CRACD: variants seen among roughly 807,000 people sequenced by gnomAD.
CRACD encodes capping protein inhibiting regulator of actin dynamics.
Under a neutral mutation model 106.8 loss-of-function variants are expected in CRACD, and 56 were observed. The observed-to-expected ratio is 0.52, with a 90% confidence interval of 0.42 to 0.66. The LOEUF (loss-of-function observed/expected upper bound fraction) is 0.66. Among genes scored for constraint, CRACD ranks in the 30% least tolerant of loss-of-function variants. The pLI is 0.00. For synonymous variants in CRACD, 754 were observed against 670.8 expected (o/e 1.12, Z -1.92); for missense variants, 1,730 against 1,623.2 (o/e 1.07, Z -1.13).
intron 8 of CRACD, chr4:56,320,726 G>A (rs1047274222): frequency 1.1e-4 from 17 of 152,494 alleles, no homozygotes; most frequent in African/African-American, 4.1e-4. Flanking sequence ...CCATCATAGT[G>A]TGAGTGATGG....
At chr4:56,162,378 T>C (rs1156675350) in intron 1 of CRACD, among the ~76,000 whole-genome samples, 2 of 151,964 alleles carry the variant, frequency 1.3e-5, no homozygotes, top group South Asian at 4.2e-4. Flanking sequence ...GTGGTTTTTT[T>C]GTTTTTGTTT....
At chr4:56,152,885 C>A (rs1379176236) in intron 1 of CRACD, among the ~76,000 whole-genome samples, 1 of 152,244 alleles carries the variant, frequency 6.6e-6, no homozygotes, top group Non-Finnish European at 1.5e-5. Flanking sequence ...TTATTGCTTG[C>A]TCAGATCTCT....
At chr4:56,166,928 C>A (rs939604821) in intron 1 of CRACD, among the ~76,000 whole-genome samples, 3 of 152,132 alleles carry the variant, frequency 2.0e-5, no homozygotes, top group Non-Finnish European at 4.4e-5. Flanking sequence ...CTCAGAAATT[C>A]TGACTTAATA....
intron 1 of CRACD, among the ~76,000 whole-genome samples, chr4:56,134,946 T>TCC (rs1229377036): frequency 4.0e-5 from 6 of 151,308 alleles, no homozygotes; most frequent in East Asian, 2.0e-4. Context: ...TTTTTTTTTT[T>TCC]CCCCTAAATA....
At chr4:56,187,941 A>G (rs557095331) in intron 2 of CRACD, among the ~76,000 whole-genome samples, 1 of 152,366 alleles carries the variant, frequency 6.6e-6, no homozygotes, top group African/African-American at 2.4e-5. Flanking sequence ...GTTTACATAC[A>G]TGCACACAGA....
At chr4:56,188,059 G>A (rs1381399548) in intron 2 of CRACD, among the ~76,000 whole-genome samples, 1 of 152,050 alleles carries the variant, frequency 6.6e-6, no homozygotes. Context: ...ACCAGGAAAA[G>A]GAAAAAGCAT....
chr4:56,072,465 AAC>A (rs1732692072), intron 1 of CRACD, among the ~76,000 whole-genome samples: 2 of 152,162 alleles, frequency 1.3e-5, no homozygotes, highest in South Asian at 4.1e-4. Flanking sequence ...TCCTTTCAAA[AAC>A]ACAGCCTTAT....
At chr4:56,254,019 ATCTGT>A (rs1182789090) in intron 2 of CRACD, among the ~76,000 whole-genome samples, 3 of 152,242 alleles carry the variant, frequency 2.0e-5, no homozygotes, top group Non-Finnish European at 2.9e-5. Flanking sequence ...TTGGAAGGTC[ATCTGT>A]TCCACCAGTA....
intron 1 of CRACD, among the ~76,000 whole-genome samples, chr4:56,049,681 C>A (rs1379074596): frequency 6.6e-6 from 1 of 152,184 alleles, no homozygotes; most frequent in Admixed American, 6.5e-5. Context: ...AACCAGACCT[C>A]ACCGTCCGGG....
At chr4:56,287,484 T>C (rs910911700) in intron 3 of CRACD, among the ~76,000 whole-genome samples, 4 of 152,136 alleles carry the variant, frequency 2.6e-5, no homozygotes, top group African/African-American at 7.2e-5. Flanking sequence ...TTTCACCACG[T>C]TGGCCAGGCT....
intron 2 of CRACD, among the ~76,000 whole-genome samples, chr4:56,235,361 G>A (rs1368558208): frequency 2.6e-5 from 4 of 152,138 alleles, no homozygotes; most frequent in African/African-American, 4.8e-5. Flanking sequence ...AGATGTCTAC[G>A]GGAAGATAAT....
intron 2 of CRACD, among the ~76,000 whole-genome samples, chr4:56,199,586 A>G (rs113868187): frequency 0.019 from 2,926 of 151,678 alleles, 101 homozygotes; most frequent in African/African-American, 0.068. Context: ...AGAGGCTGAG[A>G]CAGGAGAATC....
intron 1 of CRACD, among the ~76,000 whole-genome samples, chr4:56,166,803 A>G (rs1736173878): frequency 6.6e-6 from 1 of 152,208 alleles, no homozygotes; most frequent in Non-Finnish European, 1.5e-5. Flanking sequence ...TTAAAGGAAG[A>G]ATGCAACATT....
At chr4:56,168,423 T>C (rs1736234973) in intron 1 of CRACD, among the ~76,000 whole-genome samples, 1 of 152,088 alleles carries the variant, frequency 6.6e-6, no homozygotes, top group South Asian at 2.1e-4. Flanking sequence ...CCTTTTACCA[T>C]ATTGCAGAAT....
intron 1 of CRACD, among the ~76,000 whole-genome samples, chr4:56,086,769 G>GA (rs1180345803): frequency 1.3e-5 from 2 of 152,104 alleles, no homozygotes; most frequent in Non-Finnish European, 2.9e-5. Flanking sequence ...TGAAGTTGGT[G>GA]AATCAGCCTG....
chr4:56,228,964 A>G (rs556611867), intron 2 of CRACD, among the ~76,000 whole-genome samples: 6 of 152,230 alleles, frequency 3.9e-5, no homozygotes, highest in Non-Finnish European at 7.3e-5. Flanking sequence ...AGTACATATC[A>G]CAGAGATGTC....
intron 1 of CRACD, among the ~76,000 whole-genome samples, chr4:56,141,961 T>A (rs1343655853): frequency 6.6e-6 from 1 of 152,122 alleles, no homozygotes; most frequent in Non-Finnish European, 1.5e-5. Context: ...CCCAAAGTGC[T>A]AGGATTATAG....
At chr4:56,063,750 T>C (rs1441475912) in intron 1 of CRACD, among the ~76,000 whole-genome samples, 1 of 152,212 alleles carries the variant, frequency 6.6e-6, no homozygotes, top group East Asian at 1.9e-4. Context: ...AAATTTTCTG[T>C]TGATGGATAT....
At chr4:56,311,299 CCAGGCATTCTCCCAAGGCCTGG>C (rs1472691909) in intron 6 of CRACD, 5 of 153,380 alleles carry the variant, frequency 3.3e-5, no homozygotes, top group Admixed American at 3.3e-4. Flanking sequence ...GCACAAGGGG[CCAGGCATTCTCCCAAGGCCTGG>C]CAGACAGTAT....
Sources: gnomAD v4.1 joint callset for allele counts (sites outside exome capture counted in the v4.1 genomes callset) on GRCh38, gnomAD v4.1.1 for gene constraint, MANE v1.5 for transcripts, NCBI Gene and HGNC (gene_info 2026-07-23, HGNC 2026-07-21) for gene names.